HDAC9: variants seen among roughly 807,000 people sequenced by gnomAD.
HDAC9 encodes histone deacetylase 9, also known as MEF-2 interacting transcription repressor (MITR) protein.
Under a neutral mutation model 139.4 loss-of-function variants are expected in HDAC9, and 41 were observed. The ratio of observed to expected loss-of-function variants is 0.29; its 90% CI spans 0.23 to 0.38. The LOEUF (loss-of-function observed/expected upper bound fraction) is 0.38. HDAC9 is among the 10% of genes least tolerant of loss of function. The pLI is 1.00. For synonymous variants in HDAC9, 517 were observed against 476.2 expected, an observed-to-expected ratio of 1.09 and a Z score of -1.12; for missense variants, 1,147 against 1,297.0, an observed-to-expected ratio of 0.88 and a Z score of 1.78.
At chr7:18,142,177 G>T (rs1046613509) in intron 1 of HDAC9, among the ~76,000 whole-genome samples, 1 of 152,110 alleles carries the variant, frequency 6.6e-6, no homozygotes, top group Non-Finnish European at 1.5e-5. Context: ...TGTACCCCAA[G>T]GGTCTCCTGC....
In HDAC9 at chr7:18,476,394, A is replaced by G. The variant is rs947312096; in HGVS notation, c.-41-19868A>G. Among the ~76,000 whole-genome samples, 3 of 152,170 alleles carry G rather than the reference A, an allele frequency of 2.0e-5. 1 individual carries two copies. ...AACAAGTTGTAAGAAACCAGATTAT[A>G]ATTAGATGTATCATGGCAGAATATT... On this transcript the variant is annotated intron_variant, in intron 1 of 3. Transcript: ENST00000413509.
At chr7:18,526,208 A>G (rs866204492) in intron 2 of HDAC9, among the ~76,000 whole-genome samples, 1 of 152,196 alleles carries the variant, frequency 6.6e-6, no homozygotes, top group African/African-American at 2.4e-5. Context: ...GTATAGCAAT[A>G]TTTATAAGTT....
rs1173756197 is a variant in HDAC9, at chr7:18,786,796, TTTCC to T, written c.2215-6529_2215-6526del. Among the ~76,000 whole-genome samples, 325 of 44,070 alleles carry T rather than the reference TTTCC, an allele frequency of 7.4e-3. 10 individuals carry two copies. Among genetic ancestry groups the T allele is most frequent in the African/African-American group, 0.023 (309 of 13,374 alleles). The allele number at this position is 44,070 out of a possible 152,430, so 28.9% of individuals were successfully genotyped here. A position where few individuals can be genotyped will look rare whatever the true frequency, so the allele number is the denominator to read the frequency against. On this transcript the variant is annotated intron_variant, in intron 16 of 25. Transcript: ENST00000686413. Reference sequence around the variant, plus strand: ...TTTCTTTCTTTTCTTTCTTTCTTTCTTTCCTTCCTTCCTTCCTTCCTTCATTCCT... The same window carrying T: ...TTTCTTTCTTTTCTTTCTTTCTTTCTTTCCTTCCTTCCTTCCTTCATTCCT...
chr7:18,491,590 T>G (rs1228041225), upstream of HDAC9, among the ~76,000 whole-genome samples: 2 of 152,012 alleles, frequency 1.3e-5, no homozygotes, highest in Non-Finnish European at 1.5e-5. Context: ...CTGATAAATT[T>G]TCTTTCACAA....
In HDAC9 at chr7:18,972,482, A is replaced by C. The variant is rs370613537; in HGVS notation, c.3023-3324A>C. On this transcript the variant is annotated intron_variant, in intron 24 of 25. Transcript: ENST00000686413. Reference sequence around the variant, plus strand: ...TGCAAGTTGGGCCTCCCGGGTTCAAAGGATTCTCCTGCCTCAGCCTCCGGA... The same window carrying C: ...TGCAAGTTGGGCCTCCCGGGTTCAACGGATTCTCCTGCCTCAGCCTCCGGA... 1.9e-4 allele frequency among the ~76,000 whole-genome samples: 29 copies of C among 148,838 alleles called. No individual in the cohort carries two copies. In the Middle Eastern group the frequency reaches 0.01, roughly 54 times the overall value.
chr7:18,282,687 A>G (rs1048163179), intron 2 of HDAC9, among the ~76,000 whole-genome samples: 1 of 152,126 alleles, frequency 6.6e-6, no homozygotes, highest in Non-Finnish European at 1.5e-5. Flanking sequence ...TGAACTTCAC[A>G]GTGCATCCAT....
intron 21 of HDAC9, among the ~76,000 whole-genome samples, chr7:18,859,844 A>ATGTGTGTGTGTGTG (rs1488141588): frequency 8.1e-6 from 1 of 123,164 alleles, no homozygotes; most frequent in Non-Finnish European, 1.7e-5. Context: ...ATATATATAT[A>ATGTGTGTGTGTGTG]TATATATATA....
At chr7:18,101,250 A>G (rs940330065) in intron 1 of HDAC9, among the ~76,000 whole-genome samples, 3 of 152,016 alleles carry the variant, frequency 2.0e-5, no homozygotes, top group African/African-American at 7.2e-5. Context: ...CATCTCCTCA[A>G]TTCAGGGATT....
chr7:18,362,874 A>G (rs1020831617), intron 1 of HDAC9, among the ~76,000 whole-genome samples: 6 of 152,144 alleles, frequency 3.9e-5, no homozygotes, highest in Non-Finnish European at 7.4e-5. Context: ...GCACTGTTAT[A>G]TCTAGTTTGT....
chr7:18,318,179 C>T (rs961165315), intron 1 of HDAC9, among the ~76,000 whole-genome samples: 5 of 152,144 alleles, frequency 3.3e-5, no homozygotes, highest in African/African-American at 9.7e-5. Flanking sequence ...CTGCAAGATA[C>T]GCCAGCATCT....
At chr7:18,156,604 A>G (rs1402718403) in intron 1 of HDAC9, among the ~76,000 whole-genome samples, 2 of 152,316 alleles carry the variant, frequency 1.3e-5, no homozygotes, top group East Asian at 3.9e-4. Context: ...CAGGTACTCT[A>G]CTAGGTGTGG....
chr7:18,561,882 C>G (rs1820731377), intron 2 of HDAC9, among the ~76,000 whole-genome samples: 1 of 152,196 alleles, frequency 6.6e-6, no homozygotes, highest in South Asian at 2.1e-4. Context: ...CTTTTGGCTA[C>G]TATGAAGAAT....
chr7:18,509,595 T>A (rs1800845145), intron 2 of HDAC9: 1 of 382,398 alleles, frequency 2.6e-6, no homozygotes, highest in Non-Finnish European at 3.6e-6. Context: ...ACCAGGTATT[T>A]CCTTCTTCTG....
intron 14 of HDAC9, among the ~76,000 whole-genome samples, chr7:18,753,421 A>G (rs909442592): frequency 1.3e-5 from 2 of 152,024 alleles, no homozygotes; most frequent in African/African-American, 2.4e-5. Flanking sequence ...GTGATGAATA[A>G]CTTGCCCTCT....
intron 8 of HDAC9, among the ~76,000 whole-genome samples, chr7:18,640,620 T>C (rs992603956): frequency 3.9e-5 from 6 of 152,006 alleles, no homozygotes; most frequent in African/African-American, 1.4e-4. Context: ...TGTTCTTGTT[T>C]ATATGAATTT....
chr7:18,688,396 G>A (rs1782433301), intron 12 of HDAC9, among the ~76,000 whole-genome samples: 1 of 151,694 alleles, frequency 6.6e-6, no homozygotes, highest in African/African-American at 2.4e-5. Flanking sequence ...TATGAATAAT[G>A]TGCAAATTTA....
At chr7:18,782,219 A>C (rs547514839) in intron 16 of HDAC9, among the ~76,000 whole-genome samples, 2 of 152,094 alleles carry the variant, frequency 1.3e-5, no homozygotes, top group Admixed American at 1.3e-4. Context: ...TGTTCAAGGC[A>C]TCTGAGGAAG....
At chr7:18,430,253 T>C (rs879530113) in intron 1 of HDAC9, among the ~76,000 whole-genome samples, 1 of 152,192 alleles carries the variant, frequency 6.6e-6, no homozygotes, top group Non-Finnish European at 1.5e-5. Flanking sequence ...CGATGGTGTC[T>C]TGCTCTATTG....
chr7:18,638,615 G>A (rs1366662191), intron 8 of HDAC9, among the ~76,000 whole-genome samples: 1 of 152,042 alleles, frequency 6.6e-6, no homozygotes, highest in Non-Finnish European at 1.5e-5. Flanking sequence ...TGTTTGGAAG[G>A]CAGGTGGTAA....
Sources: gnomAD v4.1 joint callset for allele counts (sites outside exome capture counted in the v4.1 genomes callset) on GRCh38, gnomAD v4.1.1 for gene constraint, MANE v1.5 for transcripts, NCBI Gene and HGNC (gene_info 2026-07-23, HGNC 2026-07-21) for gene names.